Variants in TESMIN observed in about 807,000 individuals in gnomAD.
TESMIN encodes the protein CXC domain containing 2.
In TESMIN, 34 loss-of-function variants were observed where a neutral mutation model predicts 47.4. That is an observed-to-expected ratio of 0.72 (90% CI 0.55 to 0.96). The LOEUF is 0.96. TESMIN is among the 40% of genes least tolerant of loss of function. The pLI is 0.00. For missense variants in TESMIN, 610 were observed against 637.2 expected, an observed-to-expected ratio of 0.96 and a Z score of 0.46; for synonymous variants, 278 against 258.9, an observed-to-expected ratio of 1.07 and a Z score of -0.71.
intron 6 of TESMIN, among the ~76,000 whole-genome samples, chr11:68,721,085 G>T (rs774082626): frequency 5.9e-5 from 9 of 152,126 alleles, no homozygotes; most frequent in Non-Finnish European, 1.2e-4. Context: ...AGTATGTTAT[G>T]AATGTTTCCC....
rs1399294829 is a variant in TESMIN, at chr11:68,747,380, A to G, written c.472-14T>C. 4 of 1,606,866 alleles carry G rather than the reference A, an allele frequency of 2.5e-6. No homozygotes were observed. Among genetic ancestry groups the G allele is most frequent in the African/African-American group, 1.3e-5 (1 of 74,878 alleles). ...CTTGATTTCAACCTAGAAAAAAGCA[A>G]TAATTATTTTAGAGAACACATGGTG... On this transcript the variant is annotated splice_polypyrimidine_tract_variant and intron_variant, in intron 2 of 9. Coordinates refer to ENST00000255087, the MANE Select transcript of TESMIN (RefSeq NM_004923.3).
intron 9 of TESMIN, among the ~76,000 whole-genome samples, chr11:68,710,064 G>A (rs1022265249): frequency 2.0e-5 from 3 of 152,132 alleles, no homozygotes; most frequent in African/African-American, 7.2e-5. Context: ...AGGCTGAGGT[G>A]GGAGGATCAC....
At chr11:68,739,587 C>A (rs1037457015) in intron 5 of TESMIN, among the ~76,000 whole-genome samples, 2 of 152,180 alleles carry the variant, frequency 1.3e-5, no homozygotes, top group Admixed American at 1.3e-4. Flanking sequence ...AAAAATGCGT[C>A]TTGTATTCAT....
chr11:68,718,326 G>C (rs980158583), intron 6 of TESMIN, among the ~76,000 whole-genome samples: 2 of 152,178 alleles, frequency 1.3e-5, no homozygotes, highest in Admixed American at 6.5e-5. Context: ...GGTATCAACA[G>C]CCTTAGAGAG....
intron 4 of TESMIN, among the ~76,000 whole-genome samples, chr11:68,743,411 AT>A (rs200797518): frequency 1.5e-4 from 22 of 149,490 alleles, no homozygotes; most frequent in Non-Finnish European, 2.1e-4. Flanking sequence ...AGCCCAGCTC[AT>A]TTTTTTTTGT....
intron 6 of TESMIN, among the ~76,000 whole-genome samples, chr11:68,726,073 A>T (rs895165726): frequency 6.6e-6 from 1 of 152,140 alleles, no homozygotes; most frequent in East Asian, 1.9e-4. Context: ...ACTTACAAGG[A>T]CATGTGTGAT....
chr11:68,721,637 T>C (rs753896580), intron 6 of TESMIN, among the ~76,000 whole-genome samples: 9 of 152,172 alleles, frequency 5.9e-5, no homozygotes, highest in Non-Finnish European at 1.2e-4. Flanking sequence ...AATGAATAAA[T>C]GAGTGAAAAA....
chr11:68,740,852 G>A (rs1346919776), intron 5 of TESMIN, among the ~76,000 whole-genome samples: 2 of 151,888 alleles, frequency 1.3e-5, no homozygotes, highest in African/African-American at 4.8e-5. Context: ...AAACTCCTAC[G>A]CAACATCTTC....
intron 5 of TESMIN, among the ~76,000 whole-genome samples, chr11:68,739,648 A>G (rs1187658554): frequency 6.6e-6 from 1 of 152,186 alleles, no homozygotes; most frequent in Non-Finnish European, 1.5e-5. Context: ...TGTCATCACC[A>G]TCCATTACGG....
chr11:68,736,161 C>G lies in TESMIN; in HGVS notation c.917+2539G>C, dbSNP rs184019494. 25 of 985,208 alleles carry G rather than the reference C, an allele frequency of 2.5e-5. No homozygotes were observed. The African/African-American group carries it at 4.2e-4, about 16-fold the overall frequency. 61.0% of individuals were successfully genotyped at this position (985,208 alleles called of 1,614,324 possible). On this transcript the variant is annotated intron_variant, in intron 6 of 9. Coordinates refer to ENST00000255087, the MANE Select transcript of TESMIN (RefSeq NM_004923.3). ...CTTGAATATTCTTTATTATGATGTT[C>G]ATTATGTTACTAAAACCAGTAGCAT... is the stretch of plus-strand genomic sequence containing the variant.
At chr11:68,732,230 C>T (rs942625345) in intron 6 of TESMIN, among the ~76,000 whole-genome samples, 2 of 152,204 alleles carry the variant, frequency 1.3e-5, no homozygotes, top group African/African-American at 4.8e-5. Context: ...CAATGCTGAC[C>T]GAGTGCCCTC....
At chr11:68,750,080 T>C (rs1169398001) in intron 2 of TESMIN, 110 bp downstream of exon 2, 1 of 893,094 alleles carries the variant, frequency 1.1e-6, no homozygotes, top group Non-Finnish European at 1.6e-6. Context: ...GTGTGTGGTG[T>C]CACCAGGGAA....
intron 6 of TESMIN, among the ~76,000 whole-genome samples, chr11:68,735,891 G>A (rs558707103): frequency 3.3e-5 from 5 of 152,344 alleles, no homozygotes; most frequent in East Asian, 1.9e-4. Context: ...AAATAACAGC[G>A]CCAGTAAAGA....
At chr11:68,739,266 G>T (rs1005956250) in intron 5 of TESMIN, among the ~76,000 whole-genome samples, 1 of 152,132 alleles carries the variant, frequency 6.6e-6, no homozygotes, top group East Asian at 1.9e-4. Flanking sequence ...AAATTCAAAA[G>T]CAATGTCATC....
chr11:68,712,829 C>A (rs964112536), intron 8 of TESMIN, among the ~76,000 whole-genome samples: 1 of 152,186 alleles, frequency 6.6e-6, no homozygotes, highest in Admixed American at 6.5e-5. Flanking sequence ...TGGGGACAAG[C>A]GCCACAGGGA....
chr11:68,750,744 G>T, intron 1 of TESMIN, 45 bp from the exon 2 acceptor site: 1 of 915,540 alleles, frequency 1.1e-6, no homozygotes, highest in South Asian at 2.0e-5. Context: ...GAGAGGACGA[G>T]GGGAGGGGCG....
At position 68,708,338 on chromosome 11, in the gene TESMIN, C is replaced by G; in HGVS notation, c.1497G>C (p.Glu499Asp). ...CCATTTTCAATCCCTTAGATTTAAA[C>G]TCAGTGTGGAGAATCTGTGATAAGC... ...GRCLSQILHT[E>D]FKSKGLKME Residue 499 changes from glutamate (E) to aspartate (D), a missense_variant, in exon 10 of 10, where the codon GAG (glutamate) becomes GAC (aspartate). By Grantham distance (45) the Glu-to-Asp change is conservative (BLOSUM62 2). Coordinates refer to ENST00000255087, the MANE Select transcript of TESMIN (RefSeq NM_004923.3). 3 of 1,610,632 alleles carry G rather than the reference C, an allele frequency of 1.9e-6. No individual in the cohort carries two copies. Among genetic ancestry groups the G allele is most frequent in the Non-Finnish European group, 2.5e-6 (3 of 1,178,650 alleles).
rs761421316 is a variant in TESMIN at position 68,708,388 on chromosome 11, T to A, written c.1447A>T (p.Met483Leu). The A allele has an allele frequency of 6.8e-6, 11 of 1,614,060 alleles. No homozygotes were observed. The highest frequency in any genetic ancestry group is 9.3e-6 in the Non-Finnish European group (11 of 1,180,028). The change falls in exon 10 of 10, where the codon ATG (methionine) becomes TTG (leucine). Residue 483 changes from methionine (M) to leucine (L), a missense_variant. By Grantham distance (15) the Met-to-Leu change is conservative (BLOSUM62 2). Coordinates refer to ENST00000255087, the MANE Select transcript of TESMIN (RefSeq NM_004923.3). The part of the protein sequence containing the change: ...EHCSKCLAEQ[M>L]ILEEFGRCLS... ...CACCTTCCAAATTCCTCCAGGATCA[T>A]CTGCTCTGCCAGGCACTTGGAGCAG...
intron 2 of TESMIN, among the ~76,000 whole-genome samples, chr11:68,749,074 G>A (rs1946557048): frequency 6.6e-6 from 1 of 152,206 alleles, no homozygotes; most frequent in Non-Finnish European, 1.5e-5. Context: ...GCCGAGCTAG[G>A]ACCTACGGGC....
Sources: gnomAD v4.1 joint callset for allele counts (sites outside exome capture counted in the v4.1 genomes callset) on GRCh38, gnomAD v4.1.1 for gene constraint, MANE v1.5 for transcripts, NCBI Gene and HGNC (gene_info 2026-07-23, HGNC 2026-07-21) for gene names.